SRGAP2C: variants seen among roughly 807,000 people sequenced by gnomAD.
SRGAP2C encodes SLIT-ROBO Rho GTPase-activating protein 2C.
Under a neutral mutation model 25.1 loss-of-function variants are expected in SRGAP2C, and 15 were observed. That is an observed-to-expected ratio of 0.60 (90% confidence interval 0.40 to 0.92). The LOEUF (loss-of-function observed/expected upper bound fraction) is 0.92. SRGAP2C is among the 40% of genes least tolerant of loss of function. The pLI, the probability that SRGAP2C is intolerant of heterozygous loss-of-function variation, is 0.00. For synonymous variants in SRGAP2C, 44 were observed against 96.6 expected, an observed-to-expected ratio of 0.46 and a Z score of 3.19; for missense variants, 144 against 264.4, an observed-to-expected ratio of 0.54 and a Z score of 3.16.
chr1:121,240,140 G>C (rs1656088887), intron 2 of SRGAP2C, among the ~76,000 whole-genome samples: 3 of 131,714 alleles, frequency 2.3e-5, no homozygotes, highest in African/African-American at 6.0e-5. Flanking sequence ...GAAATATTTA[G>C]GAGGTAAAAA....
chr1:121,283,876 A>G (rs1359510460), intron 2 of SRGAP2C, among the ~76,000 whole-genome samples: 97,517 of 145,786 alleles, frequency 0.67, 33,346 homozygotes, highest in East Asian at 0.79. Context: ...ATTTGAGGCA[A>G]ATCTGTTTGC....
At chr1:121,202,475 C>T (rs1655008645) in intron 2 of SRGAP2C, among the ~76,000 whole-genome samples, 1 of 145,892 alleles carries the variant, frequency 6.9e-6, no homozygotes, top group Admixed American at 6.8e-5. Context: ...GTCACTCAGG[C>T]TGGAGTGCAG....
At chr1:121,206,445 G>T (rs1655110986) in intron 2 of SRGAP2C, among the ~76,000 whole-genome samples, 1 of 152,180 alleles carries the variant, frequency 6.6e-6, no homozygotes, top group South Asian at 2.1e-4. Flanking sequence ...CCAGAGTCTG[G>T]CTTCATACTG....
intron 2 of SRGAP2C, among the ~76,000 whole-genome samples, chr1:121,280,600 G>T (rs1465734873): frequency 6.6e-6 from 1 of 151,744 alleles, no homozygotes; most frequent in Non-Finnish European, 1.5e-5. Flanking sequence ...GGGCACTCAG[G>T]GGAGGCTGTT....
At chr1:121,351,395 G>T (rs1218197109) in intron 4 of SRGAP2C, among the ~76,000 whole-genome samples, 1 of 151,854 alleles carries the variant, frequency 6.6e-6, no homozygotes, top group Non-Finnish European at 1.5e-5. Flanking sequence ...AGATCACGAG[G>T]TCCGGAGATC....
At chr1:121,305,952 G>C (rs1388687790) in intron 3 of SRGAP2C, among the ~76,000 whole-genome samples, 1 of 152,150 alleles carries the variant, frequency 6.6e-6, no homozygotes, top group Non-Finnish European at 1.5e-5. Context: ...TGTACTGACA[G>C]GTTTAACCAT....
intron 3 of SRGAP2C, among the ~76,000 whole-genome samples, chr1:121,309,553 C>T (rs1280405449): frequency 6.6e-6 from 1 of 151,592 alleles, no homozygotes; most frequent in African/African-American, 2.4e-5. Context: ...AGGTATATCT[C>T]CCAATGCTAT....
At chr1:121,328,797 G>C (rs1658370497) in intron 4 of SRGAP2C, among the ~76,000 whole-genome samples, 1 of 146,364 alleles carries the variant, frequency 6.8e-6, no homozygotes, top group African/African-American at 2.5e-5. Flanking sequence ...GAGACGGGAA[G>C]GATCACTTGA....
chr1:121,195,214 C>T (rs1302213253), intron 2 of SRGAP2C, among the ~76,000 whole-genome samples: 1 of 152,162 alleles, frequency 6.6e-6, no homozygotes, highest in Non-Finnish European at 1.5e-5. Context: ...AGTTCGAGAC[C>T]AGCCTGGCCA....
In SRGAP2C at chr1:121,271,267, G is replaced by A. The variant is rs1381120783; in HGVS notation, c.68-13536G>A. On this transcript the variant is annotated intron_variant, in intron 2 of 9. Transcript: ENST00000367123. ...GTACAGTGAATGATGACGGTTGCTGGGCCTCAAAATAAGGAAGACGAAACT... is the reference window on the plus strand; with the variant it reads ...GTACAGTGAATGATGACGGTTGCTGAGCCTCAAAATAAGGAAGACGAAACT... Among the ~76,000 whole-genome samples the A allele has an allele frequency of 1.5e-3, 221 of 147,730 alleles. 2 individuals are homozygous for A. The highest frequency in any genetic ancestry group is 5.3e-3 in the African/African-American group (212 of 40,110).
chr1:121,372,342 G>A (rs1553351402), intron 5 of SRGAP2C, among the ~76,000 whole-genome samples: 2 of 151,994 alleles, frequency 1.3e-5, no homozygotes, highest in Admixed American at 1.3e-4. Context: ...TGTGGGGGCT[G>A]TCCTGTGCAT....
chr1:121,305,130 C>T (rs1657799837), intron 3 of SRGAP2C, among the ~76,000 whole-genome samples: 1 of 149,458 alleles, frequency 6.7e-6, no homozygotes, highest in African/African-American at 2.5e-5. Context: ...GCCAGTTTCT[C>T]CTAAGCCTGC....
rs1464425186 is a variant in SRGAP2C, at chr1:121,336,946, G to T, written c.423+12306G>T. On this transcript the variant is annotated intron_variant, in intron 4 of 9. Coordinates refer to ENST00000367123, the MANE Select transcript of SRGAP2C (RefSeq NM_001329984.2). ...ATTTGTCTGGTTGTTTACTTGTGTTGTTAAGCTTCTGCCCGTATCCCATAT... is the reference window on the plus strand; with the variant it reads ...ATTTGTCTGGTTGTTTACTTGTGTTTTTAAGCTTCTGCCCGTATCCCATAT... Among the ~76,000 whole-genome samples the T allele has an allele frequency of 8.4e-5, 3 of 35,630 alleles. 1 individual carries two copies. Among genetic ancestry groups the T allele is most frequent in the African/African-American group, 3.4e-4 (3 of 8,882 alleles). The allele number at this position is 35,630 out of a possible 152,430, so 23.4% of individuals were successfully genotyped here.
intron 3 of SRGAP2C, among the ~76,000 whole-genome samples, chr1:121,294,393 C>T (rs1351444579): frequency 2.7e-5 from 4 of 147,412 alleles, no homozygotes; most frequent in Admixed American, 1.4e-4. Flanking sequence ...ATTCTGTCAG[C>T]CTGGTTTGAT....
chr1:121,357,239 T>A (rs1659084901), intron 4 of SRGAP2C, among the ~76,000 whole-genome samples: 1 of 141,202 alleles, frequency 7.1e-6, no homozygotes, highest in Admixed American at 7.1e-5. Flanking sequence ...AAGCCATTTC[T>A]GTCCTAGAGG....
Position 121,264,976 on chromosome 1 carries a change from C to A in SRGAP2C, c.68-19827C>A, listed in dbSNP as rs1656733997. Among the ~76,000 whole-genome samples, 3 of 115,176 alleles carry A rather than the reference C, an allele frequency of 2.6e-5. No individual in the cohort carries two copies. The Admixed American group carries it at 2.7e-4, about 10-fold the overall frequency. The allele number at this position is 115,176 out of a possible 152,430, so 75.6% of individuals were successfully genotyped here. On this transcript the variant is annotated intron_variant, in intron 2 of 9. Transcript: ENST00000367123. ...CTTTGGGAGGCTGAGGCGGGTAGAT[C>A]ACTTGAGACCAGGAGTTCAAGACCA...
intron 2 of SRGAP2C, among the ~76,000 whole-genome samples, chr1:121,277,164 T>C (rs1657125366): frequency 7.9e-6 from 1 of 127,382 alleles, no homozygotes; most frequent in African/African-American, 3.0e-5. Context: ...GTCCTTATAG[T>C]ATACAATAAC....
intron 8 of SRGAP2C, among the ~76,000 whole-genome samples, chr1:121,383,319 C>G (rs1238098799): frequency 2.0e-5 from 3 of 149,330 alleles, no homozygotes; most frequent in Non-Finnish European, 1.5e-5. Flanking sequence ...GGGGGCGCTC[C>G]CAGTGGTGAG....
chr1:121,391,711 A>G lies in SRGAP2C; in HGVS notation c.*3856A>G, dbSNP rs1173156084. On this transcript the variant is annotated 3_prime_UTR_variant, in exon 10 of 10. Transcript: ENST00000367123. ...TAAAGAAAATTTAAAACCACAAAAC[A>G]TTACTGTGTTTGTAGGGGGAGGTCT... is the stretch of plus-strand genomic sequence containing the variant. 2 of 152,300 alleles carry G rather than the reference A, an allele frequency of 1.3e-5. No individual in the cohort carries two copies. Among genetic ancestry groups the G allele is most frequent in the South Asian group, 2.1e-4 (1 of 4,836 alleles). 9.4% of individuals were successfully genotyped at this position (152,300 alleles called of 1,614,324 possible). A position where few individuals can be genotyped will look rare whatever the true frequency, so the allele number is the denominator to read the frequency against.
Sources: gnomAD v4.1 joint callset for allele counts (sites outside exome capture counted in the v4.1 genomes callset) on GRCh38, gnomAD v4.1.1 for gene constraint, MANE v1.5 for transcripts, NCBI Gene and HGNC (gene_info 2026-07-23, HGNC 2026-07-21) for gene names.